The following MANEA variants were observed in gnomAD, a reference collection of about 807,000 sequenced individuals.
MANEA encodes the protein mannosidase endo-alpha.
A neutral mutation model predicts 36.8 loss-of-function variants in MANEA; 25 were observed. The observed-to-expected ratio is 0.68, with a 90% CI of 0.50 to 0.95. MANEA has a LOEUF of 0.95. Among genes scored for constraint, MANEA ranks in the 40% least tolerant of loss-of-function variants. The pLI is 0.00. For synonymous variants in MANEA, 198 were observed against 188.5 expected (o/e 1.05, Z -0.41); for missense variants, 565 against 558.8 (o/e 1.01, Z -0.11).
At chr6:95,604,344 T>G (rs1053266686) in intron 3 of MANEA, among the ~76,000 whole-genome samples, 1 of 151,996 alleles carries the variant, frequency 6.6e-6, no homozygotes, top group Non-Finnish European at 1.5e-5. Context: ...ACCATATTTT[T>G]TTGGTCTTTT....
chr6:95,606,012 C>G lies in MANEA; in HGVS notation c.996C>G (p.Gly332=), dbSNP rs772837211. 1 of 1,613,672 alleles carries G rather than the reference C, an allele frequency of 6.2e-7. No individual in the cohort carries two copies. Among genetic ancestry groups the G allele is most frequent in the South Asian group, 1.1e-5 (1 of 91,060 alleles). The change falls in exon 5 of 5, where the codon GGC becomes GGG. Residue 332 remains glycine, a synonymous_variant. Coordinates refer to ENST00000358812, the MANE Select transcript of MANEA (RefSeq NM_024641.4). ...TTGCCACAAATGGCTTTACTTATGG[C>G]TCATCACATCAGAATTGGGCTAGCC... ...TYFATNGFTY[G]SSHQNWASLK... is the part of the protein sequence containing the mutation.
chr6:95,604,768 A>G, intron 3 of MANEA, 59 bp from the exon 4 acceptor site: 1 of 666,888 alleles, frequency 1.5e-6, no homozygotes, highest in South Asian at 2.3e-5. Flanking sequence ...TATTAAGTAT[A>G]CTTCTAATTT....
In MANEA at chr6:95,596,728, T is replaced by A. The variant is rs748599572; in HGVS notation, c.545-9T>A. On this transcript the variant is annotated splice_polypyrimidine_tract_variant and intron_variant, in intron 2 of 4. Transcript: ENST00000358812. ...GTCTTTTCCCTTTCTTTTTGGTCTTTTCTATTAGGTGTACTAGCCCTCTCT... is the reference window on the plus strand; with the variant it reads ...GTCTTTTCCCTTTCTTTTTGGTCTTATCTATTAGGTGTACTAGCCCTCTCT... 1 of 1,475,628 alleles carries A rather than the reference T, an allele frequency of 6.8e-7. No individual in the cohort carries two copies. The highest frequency in any genetic ancestry group is 1.4e-5 in the African/African-American group (1 of 72,156). 91.4% of individuals were successfully genotyped at this position (1,475,628 alleles called of 1,614,324 possible).
intron 1 of MANEA, among the ~76,000 whole-genome samples, chr6:95,578,969 C>T (rs1230968782): frequency 1.3e-5 from 2 of 152,286 alleles, no homozygotes; most frequent in South Asian, 2.1e-4. Flanking sequence ...TCGATCTGCT[C>T]CTTGCTAGGT....
At chr6:95,592,408 C>CT (rs1386633976) in intron 2 of MANEA, among the ~76,000 whole-genome samples, 1 of 152,058 alleles carries the variant, frequency 6.6e-6, no homozygotes, top group Non-Finnish European at 1.5e-5. Context: ...ATTTGTGAGT[C>CT]TGTTTCTATT....
rs1769715811 is a variant in MANEA at position 95,606,525 on chromosome 6, A to G, written c.*120A>G. The stretch of plus-strand genomic sequence containing the variant: ...TATACTATTAGTTATATTTAAAAAT[A>G]TTTTTTTAAATTCTTTACAGATAAT... On this transcript the variant is annotated 3_prime_UTR_variant, in exon 5 of 5. Coordinates refer to ENST00000358812, the MANE Select transcript of MANEA (RefSeq NM_024641.4). 8.0e-6 allele frequency: 4 copies of G among 500,398 alleles called. No individual in the cohort carries two copies. The highest frequency in any genetic ancestry group is 1.3e-5 in the Non-Finnish European group (4 of 315,562). The allele number at this position is 500,398 out of a possible 1,614,324, so 31.0% of individuals were successfully genotyped here.
chr6:95,603,189 T>C (rs897395618), intron 3 of MANEA, among the ~76,000 whole-genome samples: 1 of 152,078 alleles, frequency 6.6e-6, no homozygotes, highest in Non-Finnish European at 1.5e-5. Flanking sequence ...TATTTGTTGT[T>C]TGCAGCTGTA....
intron 3 of MANEA, among the ~76,000 whole-genome samples, chr6:95,600,562 C>A (rs1769569622): frequency 6.6e-6 from 1 of 152,106 alleles, no homozygotes; most frequent in African/African-American, 2.4e-5. Context: ...TTTCCCTTTT[C>A]TTGCTAATAT....
rs897542871 is a variant in MANEA, at chr6:95,608,594, A to G, written c.*2189A>G. On this transcript the variant is annotated 3_prime_UTR_variant, in exon 5 of 5. Coordinates refer to ENST00000358812, the MANE Select transcript of MANEA (RefSeq NM_024641.4). The stretch of plus-strand genomic sequence containing the variant: ...TCTTCATTGCAAAAAGTTATTCTCA[A>G]TGGAAGAATGGCATCTGATCTCATA... The G allele has an allele frequency of 2.0e-5, 3 of 151,792 alleles. No individual in the cohort carries two copies. Among genetic ancestry groups the G allele is most frequent in the African/African-American group, 7.2e-5 (3 of 41,392 alleles). 9.4% of individuals were successfully genotyped at this position (151,792 alleles called of 1,614,324 possible). A position where few individuals can be genotyped will look rare whatever the true frequency, so the allele number is the denominator to read the frequency against.
At chr6:95,584,368 C>T (rs1442283755) in intron 1 of MANEA, among the ~76,000 whole-genome samples, 1 of 151,942 alleles carries the variant, frequency 6.6e-6, no homozygotes, top group Non-Finnish European at 1.5e-5. Context: ...ATATTAAGAC[C>T]CTAGGAAAAG....
intron 1 of MANEA, among the ~76,000 whole-genome samples, 156 bp downstream of exon 1, chr6:95,577,794 C>A (rs527630906): frequency 3.5e-4 from 53 of 152,210 alleles, no homozygotes; most frequent in Non-Finnish European, 6.6e-4. Flanking sequence ...CTCTGGCAGG[C>A]GCTGGTGGCG....
At chr6:95,590,138 A>T (rs963993904) in intron 2 of MANEA, 1 of 152,150 alleles carries the variant, frequency 6.6e-6, no homozygotes, top group African/African-American at 2.4e-5. Flanking sequence ...GCATATTAAG[A>T]CCCATGTCAA....
rs1302647812 is a variant in MANEA at position 95,595,893 on chromosome 6, C to G, written c.545-844C>G. ...TAAAAGGTATTGATCTACACAAAAACAGCATATAAATGTTTATAGCAGTTT... is the reference window on the plus strand; with the variant it reads ...TAAAAGGTATTGATCTACACAAAAAGAGCATATAAATGTTTATAGCAGTTT... On this transcript the variant is annotated intron_variant, in intron 2 of 4. Transcript: ENST00000358812. Among the ~76,000 whole-genome samples, 4 of 152,056 alleles carry G rather than the reference C, an allele frequency of 2.6e-5. No individual in the cohort carries two copies. The East Asian group carries it at 7.7e-4, about 29-fold the overall frequency.
At position 95,605,828 on chromosome 6, in the gene MANEA, AT is replaced by A; in HGVS notation, c.813del (p.Tyr271Ter). The A allele has an allele frequency of 6.2e-7, 1 of 1,613,802 alleles. No individual in the cohort carries two copies. Among genetic ancestry groups the A allele is most frequent in the Non-Finnish European group, 8.5e-7 (1 of 1,179,774 alleles). On this transcript the variant is annotated frameshift_variant, in exon 5 of 5. Transcript: ENST00000358812. LOFTEE classifies it high-confidence loss of function. ...ALPMFYVYDS[Y>X]ITKPEKWANL... The stretch of plus-strand genomic sequence containing the variant: ...CCTATGTTTTATGTCTATGATTCCT[AT>A]ATTACCAAGCCTGAAAAATGGGCCA...
chr6:95,584,399 G>A (rs1339743514), intron 1 of MANEA, among the ~76,000 whole-genome samples: 1 of 152,118 alleles, frequency 6.6e-6, no homozygotes, highest in Non-Finnish European at 1.5e-5. Context: ...CTCGGGGGAG[G>A]TCTATAAGCG....
At chr6:95,605,601 A>G in intron 4 of MANEA, 147 bp from the exon 5 acceptor site, 1 of 598,130 alleles carries the variant, frequency 1.7e-6, no homozygotes. Flanking sequence ...TGCATTTTTA[A>G]TTATTACACT....
chr6:95,596,665 T>C, intron 2 of MANEA, 72 bp from the exon 3 acceptor site: 1 of 804,598 alleles, frequency 1.2e-6, no homozygotes, highest in Non-Finnish European at 2.1e-6. Context: ...CTTTGGTACT[T>C]ACTGTGCCTT....
chr6:95,590,337 C>T (rs148771156), intron 2 of MANEA, among the ~76,000 whole-genome samples: 106 of 152,290 alleles, frequency 7.0e-4, no homozygotes, highest in Non-Finnish European at 1.2e-3. Flanking sequence ...CCATGACGTT[C>T]CAAGCTTGTG....
intron 3 of MANEA, among the ~76,000 whole-genome samples, chr6:95,604,056 A>AGGTGTGTGTGTGTG (rs1318756717): frequency 0.016 from 923 of 58,518 alleles, 10 homozygotes; most frequent in African/African-American, 0.048. Flanking sequence ...GTATATATGT[A>AGGTGTGTGTGTGTG]TGTAGGTGTG....
Sources: allele counts gnomAD v4.1 joint callset (sites outside exome capture counted in the v4.1 genomes callset), GRCh38; gene constraint gnomAD v4.1.1; transcripts MANE v1.5; gene names NCBI Gene and HGNC (gene_info 2026-07-23, HGNC 2026-07-21).